PABPC4L: variants seen among roughly 807,000 people sequenced by gnomAD.
PABPC4L encodes polyadenylate-binding protein 4-like.
For missense variants in PABPC4L, 452 were observed against 451.4 expected (o/e 1.00, Z -0.01); for synonymous variants, 169 against 164.1 (o/e 1.03, Z -0.23).
At chr4:134,027,233 T>C in the PABPC4L span, among the ~76,000 whole-genome samples, 1 of 152,040 alleles carries the variant, frequency 6.6e-6, no homozygotes, top group Admixed American at 6.6e-5. Context: ...CCAGCTGACA[T>C]GTAAGAAGTC....
At chr4:134,119,121 T>C in the PABPC4L span, among the ~76,000 whole-genome samples, 1 of 151,728 alleles carries the variant, frequency 6.6e-6, no homozygotes, top group Non-Finnish European at 1.5e-5. Context: ...TATATCATGT[T>C]TCTTAAACAA....
the PABPC4L span, among the ~76,000 whole-genome samples, chr4:134,124,035 A>G: frequency 6.6e-6 from 1 of 152,236 alleles, no homozygotes; most frequent in East Asian, 1.9e-4. Flanking sequence ...GTTCAAAGTG[A>G]TGCTTTCTTC....
At chr4:134,058,430 T>C in the PABPC4L span, among the ~76,000 whole-genome samples, 1 of 151,986 alleles carries the variant, frequency 6.6e-6, no homozygotes, top group African/African-American at 2.4e-5. Flanking sequence ...ATTTGTCATT[T>C]TTCAGTATAT....
chr4:134,104,839 A>G, the PABPC4L span, among the ~76,000 whole-genome samples: 6 of 151,786 alleles, frequency 4.0e-5, no homozygotes, highest in South Asian at 1.2e-3. Flanking sequence ...CTACTGCACA[A>G]TTATCTACAC....
chr4:134,081,864 C>T, the PABPC4L span, among the ~76,000 whole-genome samples: 3 of 152,084 alleles, frequency 2.0e-5, no homozygotes, highest in Admixed American at 1.3e-4. Context: ...CATTTTGATG[C>T]TGAAATATAA....
the PABPC4L span, among the ~76,000 whole-genome samples, chr4:134,032,619 C>CA: frequency 6.6e-6 from 1 of 151,220 alleles, no homozygotes. Flanking sequence ...AAGAAGTAAG[C>CA]AAAAAAATAG....
chr4:134,105,156 G>T, the PABPC4L span, among the ~76,000 whole-genome samples: 2 of 151,536 alleles, frequency 1.3e-5, no homozygotes, highest in Admixed American at 1.3e-4. Flanking sequence ...TGAAAAATGA[G>T]GTCGTTAGTG....
chr4:134,150,228 C>T, the PABPC4L span, among the ~76,000 whole-genome samples: 2 of 151,786 alleles, frequency 1.3e-5, no homozygotes, highest in Non-Finnish European at 2.9e-5. Flanking sequence ...GGATTACAGG[C>T]GCCCACCACC....
the PABPC4L span, among the ~76,000 whole-genome samples, chr4:133,955,585 G>T: frequency 6.6e-6 from 1 of 151,926 alleles, no homozygotes. Context: ...TTTAAATTTT[G>T]AAATTAAGTC....
chr4:134,067,277 A>G, the PABPC4L span, among the ~76,000 whole-genome samples: 1 of 152,046 alleles, frequency 6.6e-6, no homozygotes, highest in South Asian at 2.1e-4. Context: ...TAAGTTTCCA[A>G]TAGTTTATCC....
the PABPC4L span, among the ~76,000 whole-genome samples, chr4:134,160,636 G>A: frequency 1.3e-5 from 2 of 152,164 alleles, no homozygotes; most frequent in East Asian, 3.9e-4. Flanking sequence ...CAGCTATTTG[G>A]GAGGTTGATG....
At chr4:134,190,440 C>A in the PABPC4L span, among the ~76,000 whole-genome samples, 4 of 151,832 alleles carry the variant, frequency 2.6e-5, no homozygotes, top group African/African-American at 7.2e-5. Context: ...TTTTCTAATT[C>A]TTTAATTTTT....
the PABPC4L span, among the ~76,000 whole-genome samples, chr4:133,974,257 A>G: frequency 4.6e-5 from 7 of 152,132 alleles, no homozygotes; most frequent in Non-Finnish European, 8.8e-5. Flanking sequence ...TTTAATGGAG[A>G]ATAGTCTTTT....
At chr4:134,181,681 T>C in the PABPC4L span, among the ~76,000 whole-genome samples, 1 of 152,008 alleles carries the variant, frequency 6.6e-6, no homozygotes, top group African/African-American at 2.4e-5. Flanking sequence ...AGTTTCAGGA[T>C]ACAAAATCAA....
the PABPC4L span, among the ~76,000 whole-genome samples, chr4:134,110,032 G>C: frequency 6.6e-6 from 1 of 152,036 alleles, no homozygotes; most frequent in Non-Finnish European, 1.5e-5. Flanking sequence ...GGTGAAATAA[G>C]TTAATGCATA....
At chr4:134,031,472 A>ATTTTG in the PABPC4L span, among the ~76,000 whole-genome samples, 2 of 151,966 alleles carry the variant, frequency 1.3e-5, no homozygotes, top group Admixed American at 6.6e-5. Flanking sequence ...TTTTTGTAAA[A>ATTTTG]TAGACACATT....
At chr4:134,175,594 A>G in the PABPC4L span, among the ~76,000 whole-genome samples, 1 of 151,502 alleles carries the variant, frequency 6.6e-6, no homozygotes, top group South Asian at 2.1e-4. Context: ...GATTACAGGC[A>G]TGTGCCATCA....
At chr4:134,078,952 G>A in the PABPC4L span, among the ~76,000 whole-genome samples, 1 of 147,046 alleles carries the variant, frequency 6.8e-6, no homozygotes, top group Admixed American at 6.8e-5. Context: ...ACAGGCGTGA[G>A]CCACCGTGCC....
chr4:134,179,411 C>G, the PABPC4L span, among the ~76,000 whole-genome samples: 574 of 152,206 alleles, frequency 3.8e-3, 2 homozygotes, highest in African/African-American at 0.013. Context: ...AAAGAAAGAC[C>G]TTTACTGCCC....
Sources: gnomAD v4.1 joint callset for allele counts (sites outside exome capture counted in the v4.1 genomes callset) on GRCh38, gnomAD v4.1.1 for gene constraint, MANE v1.5 for transcripts, NCBI Gene and HGNC (gene_info 2026-07-23, HGNC 2026-07-21) for gene names.